The following ADAMTS17 variants were observed in gnomAD, a reference collection of about 807,000 sequenced individuals.
The protein encoded by ADAMTS17 is ADAM metallopeptidase with thrombospondin type 1 motif 17, also known as A disintegrin and metalloproteinase with thrombospondin motifs 17.
A neutral mutation model predicts 141.5 loss-of-function variants in ADAMTS17; 113 were observed. That is an observed-to-expected ratio of 0.80 (90% confidence interval 0.69 to 0.93). The LOEUF (loss-of-function observed/expected upper bound fraction) is 0.93. ADAMTS17 is among the 40% of genes least tolerant of loss of function. ADAMTS17 has a pLI of 0.00. For missense variants in ADAMTS17, 1,659 were observed against 1,517.9 expected, an observed-to-expected ratio of 1.09 and a Z score of -1.54; for synonymous variants, 768 against 630.6, an observed-to-expected ratio of 1.22 and a Z score of -3.27.
At chr15:100,131,852 C>T (rs893098805) in intron 12 of ADAMTS17, among the ~76,000 whole-genome samples, 155 bp downstream of exon 12, 1 of 152,234 alleles carries the variant, frequency 6.6e-6, no homozygotes, top group African/African-American at 2.4e-5. Context: ...TTGACACACA[C>T]GAGGTCCCTG....
rs750044969 is a variant in ADAMTS17, at chr15:99,997,607, A to G, written c.2592-18T>C. ...CCACCCACCTGCCAGACGGGAGGAA[A>G]GAGAGAGAGAACGACTGGGTGAGAG... On this transcript the variant is annotated intron_variant, in intron 18 of 21. Coordinates refer to ENST00000268070, the MANE Select transcript of ADAMTS17 (RefSeq NM_139057.4). The surrounding 1 kb of genome is among the most constrained non-coding windows in gnomAD (Gnocchi z 4.7). 2.1e-5 allele frequency: 34 copies of G among 1,610,248 alleles called. No homozygotes were observed. In the East Asian group the frequency reaches 7.4e-4, roughly 35 times the overall value.
rs12593750 is a variant in ADAMTS17 at position 100,328,534 on chromosome 15, G to A, written c.616+2355C>T. 7.9e-5 allele frequency among the ~76,000 whole-genome samples: 12 copies of A among 152,204 alleles called. No homozygotes were observed. In the South Asian group the frequency reaches 2.3e-3, roughly 29 times the overall value. ...TGCAAGGTTTGAGAGCAGGGAAGGA[G>A]AGATTGTATTTTTAAGCAAGTTCAG... On this transcript the variant is annotated intron_variant, in intron 3 of 21. Coordinates refer to ENST00000268070, the MANE Select transcript of ADAMTS17 (RefSeq NM_139057.4).
rs1328722659 is a variant in ADAMTS17 at position 100,167,050 on chromosome 15, G to A, written c.1182-11730C>T. Among the ~76,000 whole-genome samples, 7 of 152,242 alleles carry A rather than the reference G, an allele frequency of 4.6e-5. No homozygotes were observed. In the East Asian group the frequency reaches 1.3e-3, roughly 29 times the overall value. ...CTGATATTGTGGCCACTGGCCACGT[G>A]TGGCTACTAAGAGTTTGAAATGTGC... On this transcript the variant is annotated intron_variant, in intron 8 of 21. Coordinates refer to ENST00000268070, the MANE Select transcript of ADAMTS17 (RefSeq NM_139057.4).
intron 7 of ADAMTS17, among the ~76,000 whole-genome samples, chr15:100,234,893 G>A (rs1431262835): frequency 2.0e-5 from 3 of 152,188 alleles, no homozygotes; most frequent in Non-Finnish European, 4.4e-5. Flanking sequence ...TGTAACCACG[G>A]GGTAGAGGAG....
intron 2 of ADAMTS17, among the ~76,000 whole-genome samples, chr15:100,340,158 T>C (rs954123536): frequency 1.3e-5 from 2 of 152,324 alleles, no homozygotes; most frequent in Middle Eastern, 3.4e-3. Flanking sequence ...CTGCCGGCCA[T>C]GTGTGCGGCT....
intron 8 of ADAMTS17, among the ~76,000 whole-genome samples, chr15:100,194,146 T>A (rs2041025483): frequency 6.6e-6 from 1 of 152,220 alleles, no homozygotes; most frequent in Non-Finnish European, 1.5e-5. Flanking sequence ...GCAGACTCCC[T>A]CCCTTCCACT....
At chr15:100,120,920 C>T (rs986891481) in intron 12 of ADAMTS17, among the ~76,000 whole-genome samples, 3 of 152,152 alleles carry the variant, frequency 2.0e-5, no homozygotes, top group African/African-American at 7.2e-5. Flanking sequence ...TAGACAAATA[C>T]TTTAAAACGA....
chr15:100,258,333 G>A (rs923427847), intron 6 of ADAMTS17, among the ~76,000 whole-genome samples: 3 of 152,158 alleles, frequency 2.0e-5, no homozygotes, highest in Non-Finnish European at 2.9e-5. Context: ...CATTCCCATC[G>A]ATGGTGCACA....
chr15:99,985,861 A>G (rs1380428495), intron 20 of ADAMTS17, among the ~76,000 whole-genome samples: 1 of 152,242 alleles, frequency 6.6e-6, no homozygotes, highest in Non-Finnish European at 1.5e-5. Flanking sequence ...ACTGATCCCA[A>G]TAAAAGTAGT....
chr15:100,146,813 T>A (rs1378514025), intron 10 of ADAMTS17, among the ~76,000 whole-genome samples: 1 of 53,110 alleles, frequency 1.9e-5, no homozygotes, highest in Non-Finnish European at 5.1e-5. Flanking sequence ...GGTTGTCTCT[T>A]ATGGTCGAGA....
At chr15:100,303,120 T>A (rs1256638367) in intron 3 of ADAMTS17, among the ~76,000 whole-genome samples, 1 of 146,374 alleles carries the variant, frequency 6.8e-6, no homozygotes, top group South Asian at 2.1e-4. Flanking sequence ...ATAATATATA[T>A]TATAAATATA....
chr15:100,175,697 GCCTTCCTCAAATCTCAC>G (rs772432556), intron 8 of ADAMTS17, among the ~76,000 whole-genome samples: 2 of 151,750 alleles, frequency 1.3e-5, no homozygotes, highest in African/African-American at 2.4e-5. Flanking sequence ...CTCGTTCTCA[GCCTTCCTCAAATCTCAC>G]CCTTCCTCAA....
intron 8 of ADAMTS17, among the ~76,000 whole-genome samples, chr15:100,163,026 GTA>G (rs1025390134): frequency 2.1e-5 from 3 of 141,570 alleles, no homozygotes; most frequent in Non-Finnish European, 3.0e-5. Flanking sequence ...AACTATATAT[GTA>G]TATATATGTG....
intron 12 of ADAMTS17, among the ~76,000 whole-genome samples, chr15:100,131,366 G>GAAAA (rs11398544): frequency 7.8e-6 from 1 of 127,802 alleles, no homozygotes; most frequent in African/African-American, 3.1e-5. Context: ...CTTAAAGTAT[G>GAAAA]AAAAAAAAAA....
intron 3 of ADAMTS17, among the ~76,000 whole-genome samples, chr15:100,285,485 C>A (rs75338491): frequency 2.0e-5 from 3 of 152,234 alleles, no homozygotes; most frequent in East Asian, 3.9e-4. Context: ...AAAAACAATA[C>A]GTAGATCAAA....
At chr15:100,144,922 A>G (rs2038830185) in intron 10 of ADAMTS17, among the ~76,000 whole-genome samples, 1 of 152,160 alleles carries the variant, frequency 6.6e-6, no homozygotes, top group East Asian at 1.9e-4. Context: ...TCATGATGGT[A>G]TTTTTCTCAA....
At chr15:100,287,040 T>C (rs1167509752) in intron 3 of ADAMTS17, among the ~76,000 whole-genome samples, 1 of 152,016 alleles carries the variant, frequency 6.6e-6, no homozygotes, top group Non-Finnish European at 1.5e-5. Flanking sequence ...ATACAAAAAT[T>C]AGCTGGGTGT....
chr15:100,030,511 T>G (rs896686671), intron 18 of ADAMTS17, among the ~76,000 whole-genome samples: 2 of 152,120 alleles, frequency 1.3e-5, no homozygotes, highest in Non-Finnish European at 2.9e-5. Context: ...GCATGGCACA[T>G]CTGTGAAATC....
At chr15:100,128,025 A>G (rs56346014) in intron 12 of ADAMTS17, among the ~76,000 whole-genome samples, 48,193 of 151,922 alleles carry the variant, frequency 0.32, 8,596 homozygotes, top group East Asian at 0.53. Context: ...CACCCTCCTC[A>G]TGACCAGACA....
Sources: gnomAD v4.1 joint callset for allele counts (sites outside exome capture counted in the v4.1 genomes callset) on GRCh38, gnomAD v4.1.1 for gene constraint, Gnocchi (gnomAD v3.1) non-coding constraint, MANE v1.5 for transcripts, NCBI Gene and HGNC (gene_info 2026-07-23, HGNC 2026-07-21) for gene names.